Variants in ZBBX observed in about 807,000 individuals in gnomAD.
ZBBX encodes zinc finger B-box domain-containing protein 1.
Under a neutral mutation model 108.5 loss-of-function variants are expected in ZBBX, and 101 were observed. The observed-to-expected ratio is 0.93, with a 90% CI of 0.79 to 1.10. ZBBX has a LOEUF of 1.10. Among genes scored for constraint, ZBBX ranks in the 50% least tolerant of loss-of-function variants. ZBBX has a pLI of 0.00. For synonymous variants in ZBBX, 356 were observed against 323.4 expected (o/e 1.10, Z -1.08); for missense variants, 1,009 against 941.4 (o/e 1.07, Z -0.94).
chr3:167,396,576 C>T (rs1321443001), intron 1 of ZBBX, among the ~76,000 whole-genome samples: 2 of 152,012 alleles, frequency 1.3e-5, no homozygotes, highest in Non-Finnish European at 1.5e-5. Context: ...TTTTGTATTG[C>T]TTTGTTTTGT....
intron 9 of ZBBX, among the ~76,000 whole-genome samples, chr3:167,343,218 A>C (rs1352809672): frequency 6.6e-6 from 1 of 151,874 alleles, no homozygotes; most frequent in Non-Finnish European, 1.5e-5. Flanking sequence ...CTGAGCTTGC[A>C]TATATAAATA....
chr3:167,383,469 T>G (rs1489021384), upstream of ZBBX, among the ~76,000 whole-genome samples: 4 of 152,068 alleles, frequency 2.6e-5, no homozygotes, highest in African/African-American at 9.7e-5. Flanking sequence ...ATAAATATAT[T>G]TAAATGCATC....
intron 1 of ZBBX, among the ~76,000 whole-genome samples, chr3:167,387,444 T>C (rs1747951964): frequency 6.6e-6 from 1 of 152,030 alleles, no homozygotes; most frequent in Non-Finnish European, 1.5e-5. Context: ...TGATTTTCAG[T>C]CACAATGATG....
At chr3:167,244,191 G>A (rs144196744) in intron 20 of ZBBX, among the ~76,000 whole-genome samples, 89 of 152,166 alleles carry the variant, frequency 5.8e-4, no homozygotes, top group African/African-American at 1.9e-3. Context: ...ACTAATCTCT[G>A]GTAGCTCACC....
intron 9 of ZBBX, among the ~76,000 whole-genome samples, chr3:167,350,218 C>T (rs1742388110): frequency 6.6e-6 from 1 of 151,890 alleles, no homozygotes; most frequent in African/African-American, 2.4e-5. Flanking sequence ...TACGTTAAAA[C>T]AGTTTAAATA....
chr3:167,313,828 G>A lies in ZBBX; in HGVS notation c.1417+146C>T, dbSNP rs1338355532. The A allele has an allele frequency of 6.9e-6, 5 of 727,892 alleles. No individual in the cohort carries two copies. The East Asian group carries it at 1.3e-4, about 18-fold the overall frequency. The allele number at this position is 727,892 out of a possible 1,614,324, so 45.1% of individuals were successfully genotyped here. A position where few individuals can be genotyped will look rare whatever the true frequency, so the allele number is the denominator to read the frequency against. ...CATTGACTAAATTGCATATTTACTA[G>A]AAAATTATATTTTCAACTAATTTTC... On this transcript the variant is annotated intron_variant, in intron 16 of 21. Transcript: ENST00000675490.
the ZBBX span, among the ~76,000 whole-genome samples, chr3:167,186,342 G>T: frequency 6.6e-6 from 1 of 151,916 alleles, no homozygotes; most frequent in Non-Finnish European, 1.5e-5. Flanking sequence ...TTCATAAGCA[G>T]CTAACATACT....
chr3:167,187,500 A>C, the ZBBX span, among the ~76,000 whole-genome samples: 46 of 152,322 alleles, frequency 3.0e-4, no homozygotes, highest in African/African-American at 1.1e-3. Flanking sequence ...TGTGACTGAC[A>C]TTGAAGGTTT....
At chr3:167,402,999 G>A (rs1748473010) in intron 1 of ZBBX, among the ~76,000 whole-genome samples, 1 of 152,146 alleles carries the variant, frequency 6.6e-6, no homozygotes, top group African/African-American at 2.4e-5. Flanking sequence ...AAGGATAGGA[G>A]AGGGAATAAG....
Position 167,333,837 on chromosome 3 carries a change from C to T in ZBBX, c.677G>A (p.Ser226Asn). The T allele has an allele frequency of 6.2e-7, 1 of 1,604,064 alleles. No individual in the cohort carries two copies. The highest frequency in any genetic ancestry group is 8.5e-7 in the Non-Finnish European group (1 of 1,176,694). The change falls in exon 10 of 22, where the codon AGC becomes AAC. Residue 226 changes from serine to asparagine, a missense_variant. Ser to Asn is a conservative substitution (Grantham distance 46). Transcript: ENST00000675490. ...HKPKSVLLQR[S>N]SSEVEITTMK... ...TTTTCCTCAGTTTACCTCAGAGCTG[C>T]TCCTCTGGAGAAGTACAGATTTGGG...
chr3:167,371,839 G>A (rs1422240113), intron 4 of ZBBX, among the ~76,000 whole-genome samples: 1 of 152,092 alleles, frequency 6.6e-6, no homozygotes, highest in Non-Finnish European at 1.5e-5. Flanking sequence ...AAAGTGAAGA[G>A]AGCATTAGAA....
chr3:167,376,083 G>A (rs776524988), intron 2 of ZBBX, among the ~76,000 whole-genome samples: 41 of 152,188 alleles, frequency 2.7e-4, no homozygotes, highest in Non-Finnish European at 5.0e-4. Context: ...TACAGCAGGC[G>A]TCTCACTCAG....
At chr3:167,246,712 A>G (rs944596469) in intron 20 of ZBBX, among the ~76,000 whole-genome samples, 1 of 152,238 alleles carries the variant, frequency 6.6e-6, no homozygotes, top group African/African-American at 2.4e-5. Flanking sequence ...CTTTTTCACA[A>G]TGTGTATTTC....
intron 20 of ZBBX, among the ~76,000 whole-genome samples, chr3:167,279,052 C>A (rs868109930): frequency 1.6e-4 from 25 of 151,642 alleles, no homozygotes; most frequent in African/African-American, 6.0e-4. Context: ...ATCCAACAAC[C>A]CTTCATGCTA....
intron 16 of ZBBX, among the ~76,000 whole-genome samples, chr3:167,311,008 C>T (rs1028232761): frequency 6.6e-6 from 1 of 151,908 alleles, no homozygotes; most frequent in Non-Finnish European, 1.5e-5. Context: ...AACACAATAT[C>T]GAAGAAGAGC....
the ZBBX span, among the ~76,000 whole-genome samples, chr3:167,214,397 G>A: frequency 6.6e-6 from 1 of 152,134 alleles, no homozygotes; most frequent in South Asian, 2.1e-4. Flanking sequence ...AAAAGACAAA[G>A]GACATCACAT....
intron 20 of ZBBX, among the ~76,000 whole-genome samples, chr3:167,252,786 T>C (rs143403976): frequency 0.014 from 2,125 of 152,184 alleles, 27 homozygotes; most frequent in South Asian, 0.026. Flanking sequence ...CTGAAGCACA[T>C]AGGAACAAAG....
At chr3:167,181,991 G>A in the ZBBX span, among the ~76,000 whole-genome samples, 5 of 152,122 alleles carry the variant, frequency 3.3e-5, no homozygotes, top group East Asian at 3.9e-4. Context: ...GGTGTTTCCC[G>A]AAATTGGGGT....
chr3:167,317,187 A>G (rs1368922356), intron 13 of ZBBX, 82 bp from the exon 14 acceptor site: 1 of 948,494 alleles, frequency 1.1e-6, no homozygotes, highest in Non-Finnish European at 1.6e-6. Context: ...GCCACCAAAA[A>G]AGAAGAGTGT....
Sources: allele counts gnomAD v4.1 joint callset (sites outside exome capture counted in the v4.1 genomes callset), GRCh38; gene constraint gnomAD v4.1.1; transcripts MANE v1.5; gene names NCBI Gene and HGNC (gene_info 2026-07-23, HGNC 2026-07-21).